KDELR3: variants seen among roughly 807,000 people sequenced by gnomAD.
KDELR3 encodes the protein KDEL endoplasmic reticulum protein retention receptor 3, also known as ER lumen protein-retaining receptor 3.
KDELR3 carries 26 observed loss-of-function variants against 22.7 expected under a neutral mutation model. The ratio of observed to expected loss-of-function variants is 1.15; its 90% CI spans 0.84 to 1.59. The LOEUF (loss-of-function observed/expected upper bound fraction) is 1.59. Among genes scored for constraint, KDELR3 ranks in the 40% most tolerant of loss-of-function variants. KDELR3 has a pLI of 0.00. For synonymous variants in KDELR3, 120 were observed against 98.2 expected (o/e 1.22, Z -1.31); for missense variants, 289 against 251.1 (o/e 1.15, Z -1.02).
intron 4 of KDELR3, 69 bp downstream of exon 4, chr22:38,481,533 C>T (rs757381813): frequency 1.2e-6 from 2 of 1,605,118 alleles, no homozygotes; most frequent in South Asian, 1.1e-5. Flanking sequence ...ATAAGTATTC[C>T]AGCAGATACA....
At chr22:38,481,769 GA>G (rs869184620) in intron 4 of KDELR3, 1 of 743,138 alleles carries the variant, frequency 1.3e-6, no homozygotes, top group African/African-American at 2.0e-5. Flanking sequence ...TGGTGTGATG[GA>G]CAAAAAGCCT....
chr22:38,472,472 G>T (rs1464232009), intron 1 of KDELR3, among the ~76,000 whole-genome samples: 16 of 151,784 alleles, frequency 1.1e-4, no homozygotes, highest in Non-Finnish European at 2.4e-4. Flanking sequence ...GTGAGACTCT[G>T]TCTCAAAAAA....
chr22:38,475,484 A>T (rs2089551694), intron 2 of KDELR3, among the ~76,000 whole-genome samples: 1 of 152,186 alleles, frequency 6.6e-6, no homozygotes, highest in African/African-American at 2.4e-5. Context: ...TCTCAAGAAA[A>T]AAAAAATTAT....
chr22:38,474,736 G>A, intron 2 of KDELR3, 113 bp downstream of exon 2: 1 of 808,314 alleles, frequency 1.2e-6, no homozygotes, highest in Non-Finnish European at 2.1e-6. Context: ...TTTGAATCCT[G>A]ACTTTGCTGC....
At chr22:38,468,793 G>A (rs185147101) in intron 1 of KDELR3, among the ~76,000 whole-genome samples, 30 of 150,984 alleles carry the variant, frequency 2.0e-4, no homozygotes, top group East Asian at 1.2e-3. Flanking sequence ...GTGTGGCACC[G>A]GTGGCTGTGA....
At chr22:38,469,330 T>C (rs2089509195) in intron 1 of KDELR3, among the ~76,000 whole-genome samples, 1 of 152,142 alleles carries the variant, frequency 6.6e-6, no homozygotes, top group African/African-American at 2.4e-5. Context: ...AAGGGCCTTT[T>C]CTGCCAGGCC....
chr22:38,479,896 C>T (rs1392621685), intron 3 of KDELR3, 145 bp downstream of exon 3: 2 of 797,372 alleles, frequency 2.5e-6, no homozygotes, highest in Non-Finnish European at 4.1e-6. Flanking sequence ...AATTGACAAG[C>T]TATTTACAAT....
intron 1 of KDELR3, among the ~76,000 whole-genome samples, chr22:38,471,135 ACT>A (rs1364069279): frequency 2.0e-5 from 3 of 151,784 alleles, no homozygotes; most frequent in Non-Finnish European, 4.4e-5. Flanking sequence ...CAAGAGCAGA[ACT>A]CTGTCTCAAA....
chr22:38,479,345 C>T (rs775449432), intron 2 of KDELR3, among the ~76,000 whole-genome samples: 1 of 152,118 alleles, frequency 6.6e-6, no homozygotes, highest in Non-Finnish European at 1.5e-5. Flanking sequence ...ATGAAGGGGA[C>T]GACAAGGGCA....
intron 2 of KDELR3, among the ~76,000 whole-genome samples, chr22:38,478,051 A>G (rs2089571774): frequency 6.6e-6 from 1 of 152,162 alleles, no homozygotes; most frequent in Non-Finnish European, 1.5e-5. Flanking sequence ...ACTTGTACCT[A>G]GACATTTACA....
At chr22:38,471,225 G>A (rs1485761647) in intron 1 of KDELR3, among the ~76,000 whole-genome samples, 1 of 152,194 alleles carries the variant, frequency 6.6e-6, no homozygotes, top group Non-Finnish European at 1.5e-5. Flanking sequence ...AAACCCAGGG[G>A]ACTGGCAGGC....
chr22:38,482,788 CCTTAAGGTGT>C lies in KDELR3; in HGVS notation c.*257_*266del, dbSNP rs1482894485. The C allele has an allele frequency of 1.6e-5, 8 of 503,828 alleles. No homozygotes were observed. Among genetic ancestry groups the C allele is most frequent in the Non-Finnish European group, 2.8e-5 (8 of 285,950 alleles). The allele number at this position is 503,828 out of a possible 1,614,324, so 31.2% of individuals were successfully genotyped here. ...GATGGTGCCTCACTGCAACAAGAAA[CCTTAAGGTGT>C]CTTACCGACGAAATAAAAAACATAA... On this transcript the variant is annotated 3_prime_UTR_variant, in exon 5 of 5. Coordinates refer to ENST00000216014, the MANE Select transcript of KDELR3 (RefSeq NM_006855.4).
chr22:38,469,541 G>A (rs768713999), intron 1 of KDELR3, among the ~76,000 whole-genome samples: 25 of 152,174 alleles, frequency 1.6e-4, no homozygotes, highest in Non-Finnish European at 2.1e-4. Context: ...TTTGGGTTTG[G>A]GGTCTCTGGA....
intron 3 of KDELR3, among the ~76,000 whole-genome samples, 199 bp from the exon 4 acceptor site, chr22:38,481,013 C>G (rs1487034261): frequency 1.3e-5 from 2 of 151,482 alleles, no homozygotes; most frequent in Non-Finnish European, 2.9e-5. Context: ...TATAATCTTT[C>G]AAAAATTAGA....
intron 1 of KDELR3, 125 bp from the exon 2 acceptor site, chr22:38,474,398 C>T (rs1432664092): frequency 2.9e-6 from 2 of 683,412 alleles, no homozygotes; most frequent in Non-Finnish European, 5.1e-6. Flanking sequence ...GTGCCCTGGA[C>T]AGGAGGTCTT....
chr22:38,469,347 T>A (rs2089509318), intron 1 of KDELR3, among the ~76,000 whole-genome samples: 1 of 151,402 alleles, frequency 6.6e-6, no homozygotes, highest in Non-Finnish European at 1.5e-5. Context: ...GGCCAGGGAG[T>A]TGGGTCTGGG....
intron 2 of KDELR3, among the ~76,000 whole-genome samples, chr22:38,476,244 G>A (rs1425606278): frequency 6.6e-6 from 1 of 151,664 alleles, no homozygotes; most frequent in Non-Finnish European, 1.5e-5. Context: ...TTTTGAGACG[G>A]AGTCTCGCTC....
At chr22:38,468,352 G>A (rs376955488) in intron 1 of KDELR3, 28 bp downstream of exon 1, 1 of 1,603,976 alleles carries the variant, frequency 6.2e-7, no homozygotes, top group African/African-American at 1.3e-5. Flanking sequence ...GGGAGGTGCG[G>A]GACCCCCTCT....
chr22:38,471,239 G>T (rs569737469), intron 1 of KDELR3, among the ~76,000 whole-genome samples: 4 of 152,330 alleles, frequency 2.6e-5, no homozygotes, highest in African/African-American at 9.6e-5. Context: ...GGCAGGCTGA[G>T]GATGAAGAGA....
Sources: gnomAD v4.1 joint callset for allele counts (sites outside exome capture counted in the v4.1 genomes callset) on GRCh38, gnomAD v4.1.1 for gene constraint, MANE v1.5 for transcripts, NCBI Gene and HGNC (gene_info 2026-07-23, HGNC 2026-07-21) for gene names.